HPCAL1: variants seen among roughly 807,000 people sequenced by gnomAD.
HPCAL1 encodes hippocalcin like 1, also known as hippocalcin-like protein 1.
A neutral mutation model predicts 17.1 loss-of-function variants in HPCAL1; 8 were observed. That is an observed-to-expected ratio of 0.47 (90% confidence interval 0.27 to 0.84). HPCAL1 has a LOEUF of 0.84. HPCAL1 is among the 40% of genes least tolerant of loss of function. The probability of loss-of-function intolerance (pLI) is 0.13; values close to 1 mark genes in which losing one functional copy is unlikely to be tolerated. For missense variants in HPCAL1, 165 were observed against 271.1 expected, an observed-to-expected ratio of 0.61 and a Z score of 2.75; for synonymous variants, 112 against 111.4, an observed-to-expected ratio of 1.01 and a Z score of -0.03.
At chr2:10,414,872 C>T (rs901629962) in intron 2 of HPCAL1, among the ~76,000 whole-genome samples, 2 of 152,178 alleles carry the variant, frequency 1.3e-5, no homozygotes, top group Admixed American at 6.5e-5. Context: ...TCTGCACGTG[C>T]GCTGCTGCTG....
chr2:10,403,454 TTGTGTGTGTGTGTG>T (rs70948890), intron 2 of HPCAL1, among the ~76,000 whole-genome samples: 7 of 65,062 alleles, frequency 1.1e-4, no homozygotes, highest in African/African-American at 1.9e-4. Context: ...AAGAGTTCTT[TTGTGTGTGTGTGTG>T]TGTGTGTGTG....
intron 1 of HPCAL1, among the ~76,000 whole-genome samples, chr2:10,317,839 C>G (rs749383175): frequency 1.3e-5 from 2 of 152,248 alleles, no homozygotes; most frequent in Non-Finnish European, 2.9e-5. Flanking sequence ...TCCTAGACCA[C>G]ATGAAGCCCA....
At chr2:10,426,203 G>C (rs1432485074) in intron 4 of HPCAL1, 1 of 153,006 alleles carries the variant, frequency 6.5e-6, no homozygotes, top group Non-Finnish European at 1.5e-5. Context: ...TCCTTAGCAC[G>C]ACCAATCTTT....
intron 2 of HPCAL1, among the ~76,000 whole-genome samples, chr2:10,414,672 A>G (rs1403035185): frequency 2.6e-5 from 4 of 152,176 alleles, no homozygotes; most frequent in African/African-American, 4.8e-5. Flanking sequence ...AGTTGAGGCC[A>G]TAGCAGCAGC....
At chr2:10,405,877 A>G (rs1425076886) in intron 2 of HPCAL1, among the ~76,000 whole-genome samples, 3 of 152,208 alleles carry the variant, frequency 2.0e-5, no homozygotes, top group African/African-American at 7.2e-5. Context: ...TTTCTCCCAA[A>G]GAGCAGTCAG....
chr2:10,336,073 C>G (rs1190759361), intron 1 of HPCAL1, among the ~76,000 whole-genome samples: 1 of 146,736 alleles, frequency 6.8e-6, no homozygotes, highest in Non-Finnish European at 1.5e-5. Context: ...TGCGTATCCT[C>G]TGCTGTAAAT....
chr2:10,382,829 T>A (rs1668048521), intron 1 of HPCAL1, among the ~76,000 whole-genome samples: 1 of 152,180 alleles, frequency 6.6e-6, no homozygotes, highest in Non-Finnish European at 1.5e-5. Context: ...AAACCAGCCG[T>A]GAAGGCTGCA....
intron 1 of HPCAL1, among the ~76,000 whole-genome samples, chr2:10,355,527 G>A (rs1242235182): frequency 6.6e-6 from 1 of 151,256 alleles, no homozygotes; most frequent in South Asian, 2.1e-4. Flanking sequence ...AGAAGTAGGT[G>A]GGTTGTGAAT....
intron 2 of HPCAL1, chr2:10,408,760 A>G (rs2125607304): frequency 6.6e-6 from 1 of 152,316 alleles, no homozygotes. Context: ...AAACGCCATG[A>G]TCTTTCACTC....
chr2:10,373,872 A>T (rs780110303), intron 1 of HPCAL1, among the ~76,000 whole-genome samples: 5 of 152,174 alleles, frequency 3.3e-5, no homozygotes, highest in Non-Finnish European at 7.4e-5. Flanking sequence ...TTTGGAACTC[A>T]GGGTCTTTGG....
rs976354679 is a variant in HPCAL1, at chr2:10,323,838, G to A, written c.-111+20661G>A. 8.5e-5 allele frequency among the ~76,000 whole-genome samples: 13 copies of A among 152,130 alleles called. No homozygotes were observed. Among genetic ancestry groups the A allele is most frequent in the Non-Finnish European group, 1.6e-4 (11 of 68,036 alleles). ...CAACAACAAAAATCTGCGTCTTGTCGGAACTTCCATATACACTTCCACTGG... is the reference window on the plus strand; with the variant it reads ...CAACAACAAAAATCTGCGTCTTGTCAGAACTTCCATATACACTTCCACTGG... On this transcript the variant is annotated intron_variant, in intron 1 of 4. Coordinates refer to ENST00000307845, the MANE Select transcript of HPCAL1 (RefSeq NM_002149.4). The surrounding 1 kb of genome is among the most constrained non-coding windows in gnomAD (Gnocchi z 4.6).
At chr2:10,387,999 A>G (rs564349071) in intron 1 of HPCAL1, among the ~76,000 whole-genome samples, 2 of 152,122 alleles carry the variant, frequency 1.3e-5, no homozygotes, top group Admixed American at 1.3e-4. Flanking sequence ...GGAGGCCTGG[A>G]TGCTTTTTCT....
rs971630259 is a variant in HPCAL1, at chr2:10,343,078, C to T, written c.-111+39901C>T. Among the ~76,000 whole-genome samples the T allele has an allele frequency of 1.3e-5, 2 of 152,098 alleles. No individual in the cohort carries two copies. The highest frequency in any genetic ancestry group is 4.8e-5 in the African/African-American group (2 of 41,420). ...TAGAGTAGGGGTCCTTCCCCAGCTC[C>T]AGGCCCTGTGTGTTTCCAAGTGGGC... On this transcript the variant is annotated intron_variant, in intron 1 of 4. Transcript: ENST00000307845. This position sits in a 1 kb window ranked among gnomAD's most constrained non-coding sequence, Gnocchi z 4.8.
chr2:10,348,376 GA>G (rs1170657619), intron 1 of HPCAL1, among the ~76,000 whole-genome samples: 4 of 152,168 alleles, frequency 2.6e-5, no homozygotes, highest in Non-Finnish European at 5.9e-5. Flanking sequence ...TTGAACTCAA[GA>G]GGCGGAGGTT....
At chr2:10,374,174 T>C (rs1384666469) in intron 1 of HPCAL1, among the ~76,000 whole-genome samples, 1 of 151,854 alleles carries the variant, frequency 6.6e-6, no homozygotes, top group Middle Eastern at 3.2e-3. Context: ...GAGTCTCGAA[T>C]CCCCAGTCTC....
At chr2:10,341,639 G>A (rs1220201645) in intron 1 of HPCAL1, among the ~76,000 whole-genome samples, 2 of 152,070 alleles carry the variant, frequency 1.3e-5, no homozygotes, top group African/African-American at 4.8e-5. Flanking sequence ...CTAAACACGA[G>A]CCGTGGGCCT....
chr2:10,351,043 A>G (rs1025414742), intron 1 of HPCAL1, among the ~76,000 whole-genome samples: 30 of 152,242 alleles, frequency 2.0e-4, no homozygotes, highest in African/African-American at 7.2e-4. Flanking sequence ...GAGTTACCAT[A>G]TGACCTAGCA....
At chr2:10,349,264 TAAG>T (rs1231029944) in intron 1 of HPCAL1, among the ~76,000 whole-genome samples, 3 of 151,922 alleles carry the variant, frequency 2.0e-5, no homozygotes, top group Non-Finnish European at 4.4e-5. Flanking sequence ...TACTAAGAGG[TAAG>T]AAGGAGACAA....
chr2:10,334,695 C>CTTTTTCTTTTTTTTTTTTTTTT, intron 1 of HPCAL1, among the ~76,000 whole-genome samples: 1 of 146,430 alleles, frequency 6.8e-6, no homozygotes, highest in African/African-American at 2.6e-5. Context: ...ATTCCATTGA[C>CTTTTTCTTTTTTTTTTTTTTTT]TTTTTTTTGA....
Sources: gnomAD v4.1 joint callset for allele counts (sites outside exome capture counted in the v4.1 genomes callset) on GRCh38, gnomAD v4.1.1 for gene constraint, Gnocchi (gnomAD v3.1) non-coding constraint, MANE v1.5 for transcripts, NCBI Gene and HGNC (gene_info 2026-07-23, HGNC 2026-07-21) for gene names.